MAN2B2: variants seen among roughly 807,000 people sequenced by gnomAD.
MAN2B2 encodes the protein mannosidase alpha class 2B member 2, also known as epididymis-specific alpha-mannosidase.
In MAN2B2, 106 loss-of-function variants were observed where a neutral mutation model predicts 117.1. The ratio of observed to expected loss-of-function variants is 0.90; its 90% CI spans 0.77 to 1.06. MAN2B2 has a LOEUF of 1.06. Ranked by LOEUF, MAN2B2 falls within the 50% of genes least tolerant of loss-of-function variation. The pLI is 0.00. For synonymous variants in MAN2B2, 544 were observed against 595.1 expected, an observed-to-expected ratio of 0.91 and a Z score of 1.25; for missense variants, 1,326 against 1,381.4, an observed-to-expected ratio of 0.96 and a Z score of 0.64.
intron 11 of MAN2B2, among the ~76,000 whole-genome samples, chr4:6,607,121 T>G (rs1277316787): frequency 1.3e-5 from 2 of 152,204 alleles, no homozygotes; most frequent in African/African-American, 4.8e-5. Flanking sequence ...AGACTATTTC[T>G]GTCTATATGG....
rs1233986507 is a variant in MAN2B2 at position 6,621,966 on chromosome 4, T to C, written c.*681T>C. On this transcript the variant is annotated 3_prime_UTR_variant, in exon 19 of 19. Transcript: ENST00000285599. ...TTCCCAGGTCTATGCCCAAGAGAATTGAAAACATCCATCCACACAATACCT... is the reference window on the plus strand; with the variant it reads ...TTCCCAGGTCTATGCCCAAGAGAATCGAAAACATCCATCCACACAATACCT... 2.0e-5 allele frequency: 3 copies of C among 152,210 alleles called. No homozygotes were observed. Among genetic ancestry groups the C allele is most frequent in the Non-Finnish European group, 4.4e-5 (3 of 68,060 alleles). The allele number at this position is 152,210 out of a possible 1,614,324, so 9.4% of individuals were successfully genotyped here.
rs761195586 is a variant in MAN2B2 at position 6,609,254 on chromosome 4, T to G, written c.1962T>G (p.Ile654Met). ...CGTGGGAAGCTGTGGAAATGGAGAT[T>G]GTGGCGGGACAGCTTGTGACTGAGA... is the stretch of plus-strand genomic sequence containing the variant. Reference protein sequence around the residue: ...VPAWEAVEMEIVAGQLVTEIR... With the variant: ...VPAWEAVEMEMVAGQLVTEIR... Residue 654 changes from isoleucine (I) to methionine (M), a missense_variant, in exon 12 of 19, where the codon ATT becomes ATG. By Grantham distance (10) the Ile-to-Met change is conservative (BLOSUM62 1). Coordinates refer to ENST00000285599, the MANE Select transcript of MAN2B2 (RefSeq NM_015274.3). 1 of 1,614,006 alleles carries G rather than the reference T, an allele frequency of 6.2e-7. No homozygotes were observed. The highest frequency in any genetic ancestry group is 8.5e-7 in the Non-Finnish European group (1 of 1,180,024).
chr4:6,601,604 T>C (rs1446939940), intron 10 of MAN2B2, among the ~76,000 whole-genome samples: 2 of 151,788 alleles, frequency 1.3e-5, no homozygotes, highest in East Asian at 3.9e-4. Context: ...TAACCCGGGC[T>C]CGCTTCCTTG....
chr4:6,583,803 T>C (rs1002431166), intron 3 of MAN2B2, among the ~76,000 whole-genome samples: 4 of 152,230 alleles, frequency 2.6e-5, no homozygotes, highest in African/African-American at 9.6e-5. Context: ...CCTAGGACTT[T>C]ATAGGCTGGT....
At chr4:6,592,811 T>G (rs1726907224) in intron 5 of MAN2B2, among the ~76,000 whole-genome samples, 1 of 151,442 alleles carries the variant, frequency 6.6e-6, no homozygotes, top group Non-Finnish European at 1.5e-5. Flanking sequence ...ATTTTGTTCC[T>G]CATGGGTTTT....
intron 15 of MAN2B2, among the ~76,000 whole-genome samples, chr4:6,611,604 G>A (rs1187100473): frequency 6.7e-6 from 1 of 150,250 alleles, no homozygotes; most frequent in Non-Finnish European, 1.5e-5. Flanking sequence ...GTCACTTTAG[G>A]TCTGGAGGCT....
intron 3 of MAN2B2, among the ~76,000 whole-genome samples, chr4:6,583,552 G>A (rs1000991597): frequency 5.3e-5 from 8 of 152,202 alleles, no homozygotes; most frequent in African/African-American, 1.7e-4. Flanking sequence ...AGCTGTTAGT[G>A]GTGGAAGGTA....
intron 4 of MAN2B2, 111 bp from the exon 5 acceptor site, chr4:6,588,934 G>A (rs1577277623): frequency 4.1e-6 from 3 of 726,534 alleles, no homozygotes; most frequent in Non-Finnish European, 7.3e-6. Flanking sequence ...TTGAACCACT[G>A]AGGGAGGGCC....
At chr4:6,596,594 C>A (rs1247559455) in intron 7 of MAN2B2, among the ~76,000 whole-genome samples, 2 of 152,094 alleles carry the variant, frequency 1.3e-5, no homozygotes, top group African/African-American at 4.8e-5. Flanking sequence ...GGTCTCTGAG[C>A]CCTTGCTGCC....
At chr4:6,587,750 G>GTTTTTTTTTTTTT (rs201846526) in intron 4 of MAN2B2, among the ~76,000 whole-genome samples, 19 of 113,464 alleles carry the variant, frequency 1.7e-4, no homozygotes, top group South Asian at 5.6e-4. Context: ...TTGGGTTGTT[G>GTTTTTTTTTTTTT]TTTTTTTTTT....
chr4:6,592,536 C>T (rs987646419), intron 5 of MAN2B2, among the ~76,000 whole-genome samples: 5 of 152,114 alleles, frequency 3.3e-5, no homozygotes, highest in Admixed American at 1.3e-4. Context: ...CCCGGGAGTT[C>T]GAGGCTGCAG....
chr4:6,577,272 C>T (rs1367539042), intron 2 of MAN2B2, among the ~76,000 whole-genome samples: 2 of 152,234 alleles, frequency 1.3e-5, no homozygotes, highest in Non-Finnish European at 2.9e-5. Context: ...ACAGATTCCA[C>T]TTCTATTAAA....
Position 6,600,631 on chromosome 4 carries a change from C to G in MAN2B2, c.1414C>G (p.Pro472Ala), listed in dbSNP as rs777993712. 3 of 1,613,710 alleles carry G rather than the reference C, an allele frequency of 1.9e-6. No individual in the cohort carries two copies. Among genetic ancestry groups the G allele is most frequent in the East Asian group, 2.2e-5 (1 of 44,890 alleles). ...APMAASSDAGPAGHFASVYNP... is the reference protein window; with the variant it reads ...APMAASSDAGAAGHFASVYNP... ...CTCTTCTCTGTGTGCAGATGCAGGACCTGCAGGACATTTTGCCTCGGTCTA... is the reference window on the plus strand; with the variant it reads ...CTCTTCTCTGTGTGCAGATGCAGGAGCTGCAGGACATTTTGCCTCGGTCTA... Residue 472 changes from proline (P) to alanine (A), a missense_variant, in exon 10 of 19, where the codon CCT becomes GCT. Coordinates refer to ENST00000285599, the MANE Select transcript of MAN2B2 (RefSeq NM_015274.3).
intron 2 of MAN2B2, 92 bp from the exon 3 acceptor site, chr4:6,578,301 G>A (rs958112740): frequency 1.1e-6 from 1 of 888,594 alleles, no homozygotes; most frequent in African/African-American, 1.7e-5. Context: ...TTTTATGCAG[G>A]GCGTGTGTGG....
chr4:6,620,545 C>A, intron 18 of MAN2B2: 1 of 175,064 alleles, frequency 5.7e-6, no homozygotes, highest in Non-Finnish European at 1.2e-5. Context: ...GAGTCACCAA[C>A]CAGGCCAAGT....
intron 8 of MAN2B2, 99 bp downstream of exon 8, chr4:6,597,402 G>C (rs1317353971): frequency 2.4e-6 from 3 of 1,263,568 alleles, no homozygotes; most frequent in Non-Finnish European, 3.2e-6. Flanking sequence ...TGGGGCACTA[G>C]AGGCCCCACT....
At chr4:6,597,428 T>C in intron 8 of MAN2B2, 125 bp downstream of exon 8, 1 of 1,076,612 alleles carries the variant, frequency 9.3e-7, no homozygotes, top group Non-Finnish European at 1.3e-6. Context: ...GAGGGGAAAC[T>C]GAGGTTCCCT....
Position 6,594,648 on chromosome 4 carries a change from C to G in MAN2B2, c.973C>G (p.Leu325Val), listed in dbSNP as rs1726999296. The stretch of plus-strand genomic sequence containing the variant: ...CGGTGTCTCGGTGCAGTATGCCACG[C>G]TGGGCGACTACTTCCGTGCCCTGCA... ...ELGVSVQYATLGDYFRALHAL... is the reference protein window; with the variant it reads ...ELGVSVQYATVGDYFRALHAL... The change falls in exon 7 of 19, where the codon CTG becomes GTG. Residue 325 changes from leucine to valine, a missense_variant. Coordinates refer to ENST00000285599, the MANE Select transcript of MAN2B2 (RefSeq NM_015274.3). 2 of 1,613,572 alleles carry G rather than the reference C, an allele frequency of 1.2e-6. No individual in the cohort carries two copies. Among genetic ancestry groups the G allele is most frequent in the Non-Finnish European group, 1.7e-6 (2 of 1,180,032 alleles).
intron 3 of MAN2B2, among the ~76,000 whole-genome samples, chr4:6,583,708 G>T (rs1456232090): frequency 1.3e-5 from 2 of 152,220 alleles, no homozygotes; most frequent in African/African-American, 4.8e-5. Flanking sequence ...ATTTAAAAAG[G>T]CTTTAAAATG....
Sources: gnomAD v4.1 joint callset for allele counts (sites outside exome capture counted in the v4.1 genomes callset) on GRCh38, gnomAD v4.1.1 for gene constraint, MANE v1.5 for transcripts, NCBI Gene and HGNC (gene_info 2026-07-23, HGNC 2026-07-21) for gene names.